GULP1: variants seen among roughly 807,000 people sequenced by gnomAD.
The protein encoded by GULP1 is PTB domain-containing engulfment adapter protein 1.
Under a neutral mutation model 40.9 loss-of-function variants are expected in GULP1, and 19 were observed. The ratio of observed to expected loss-of-function variants is 0.46; its 90% CI spans 0.32 to 0.68. The LOEUF (loss-of-function observed/expected upper bound fraction) is 0.68. GULP1 is among the 30% of genes least tolerant of loss of function. The pLI, the probability that GULP1 is intolerant of heterozygous loss-of-function variation, is 0.03. For missense variants in GULP1, 312 were observed against 362.2 expected (o/e 0.86, Z 1.12); for synonymous variants, 119 against 117.6 (o/e 1.01, Z -0.08).
intron 2 of GULP1, among the ~76,000 whole-genome samples, chr2:188,386,745 T>G (rs2152524345): frequency 6.6e-6 from 1 of 152,330 alleles, no homozygotes; most frequent in South Asian, 2.1e-4. Context: ...AGTTAAAGTT[T>G]TCATTAGCCA....
intron 2 of GULP1, among the ~76,000 whole-genome samples, chr2:188,473,995 G>T (rs948099980): frequency 1.3e-5 from 2 of 152,146 alleles, no homozygotes; most frequent in African/African-American, 4.8e-5. Flanking sequence ...AGTAGGTAAT[G>T]AAGGCTACTA....
At chr2:188,401,434 G>T (rs1482326060) in intron 2 of GULP1, among the ~76,000 whole-genome samples, 1 of 152,068 alleles carries the variant, frequency 6.6e-6, no homozygotes, top group Non-Finnish European at 1.5e-5. Context: ...TTAAAGTACA[G>T]TGTGTTCAAT....
intron 1 of GULP1, among the ~76,000 whole-genome samples, chr2:188,341,970 A>T (rs192691686): frequency 7.9e-4 from 120 of 152,256 alleles, no homozygotes; most frequent in African/African-American, 2.8e-3. Flanking sequence ...TTGTTTTCTT[A>T]CCTCTTTCTA....
intron 1 of GULP1, among the ~76,000 whole-genome samples, chr2:188,359,671 A>C (rs2045837570): frequency 6.6e-6 from 1 of 152,140 alleles, no homozygotes; most frequent in Non-Finnish European, 1.5e-5. Context: ...AACTGTATTA[A>C]AAATTATATT....
intron 1 of GULP1, among the ~76,000 whole-genome samples, chr2:188,354,833 A>G (rs1418357917): frequency 6.6e-6 from 1 of 152,204 alleles, no homozygotes; most frequent in Admixed American, 6.5e-5. Context: ...CAAAACATCA[A>G]ACTGATATCA....
At chr2:188,579,380 A>G (rs1340799959) in intron 9 of GULP1, among the ~76,000 whole-genome samples, 1 of 151,902 alleles carries the variant, frequency 6.6e-6, no homozygotes, top group Non-Finnish European at 1.5e-5. Flanking sequence ...TTATATATTA[A>G]TTTATTTTTA....
At chr2:188,438,671 CA>C (rs57576533) in intron 2 of GULP1, among the ~76,000 whole-genome samples, 42,579 of 150,286 alleles carry the variant, frequency 0.28, 7,405 homozygotes, top group African/African-American at 0.5. Context: ...ATATATATCA[CA>C]AAAAAAATGT....
chr2:188,333,845 G>A (rs189050337), intron 1 of GULP1, among the ~76,000 whole-genome samples: 285 of 152,238 alleles, frequency 1.9e-3, no homozygotes, highest in African/African-American at 4.8e-3. Context: ...CAGTTCGGAT[G>A]TGATCACTCA....
chr2:188,399,702 A>AC (rs1553540250), intron 2 of GULP1, among the ~76,000 whole-genome samples: 10 of 149,176 alleles, frequency 6.7e-5, no homozygotes, highest in Non-Finnish European at 1.5e-4. Context: ...AAAAAAAAAA[A>AC]AAAAAAAAAA....
chr2:188,557,180 T>A (rs1025502142), intron 7 of GULP1, among the ~76,000 whole-genome samples: 2 of 152,186 alleles, frequency 1.3e-5, no homozygotes, highest in Non-Finnish European at 2.9e-5. Context: ...TCTCATATCC[T>A]TTTCACATTG....
In GULP1 at chr2:188,365,721, T is replaced by C. The variant is rs966350093; in HGVS notation, c.-171-18042T>C. Among the ~76,000 whole-genome samples, 31 of 152,160 alleles carry C rather than the reference T, an allele frequency of 2.0e-4. 1 individual carries two copies. The highest frequency in any genetic ancestry group is 1.5e-5 in the Non-Finnish European group (1 of 68,026). ...CCAGGCCTGAGAAGTAAGCGGACTC[T>C]AGTTGGCCCTGCAGGAATCTGCTTC... On this transcript the variant is annotated intron_variant, in intron 1 of 11. Transcript: ENST00000409830.
At chr2:188,296,881 C>T (rs547036351) in intron 1 of GULP1, among the ~76,000 whole-genome samples, 4 of 151,914 alleles carry the variant, frequency 2.6e-5, no homozygotes, top group Non-Finnish European at 5.9e-5. Flanking sequence ...ACCTTAGAAA[C>T]TTCCATATTT....
At chr2:188,401,922 G>C (rs536501740) in intron 2 of GULP1, among the ~76,000 whole-genome samples, 1 of 152,172 alleles carries the variant, frequency 6.6e-6, no homozygotes, top group African/African-American at 2.4e-5. Flanking sequence ...ACTAATTTCT[G>C]TAAGACTTTA....
intron 7 of GULP1, among the ~76,000 whole-genome samples, chr2:188,543,468 C>A (rs1276998292): frequency 1.3e-5 from 2 of 152,060 alleles, no homozygotes; most frequent in Non-Finnish European, 2.9e-5. Flanking sequence ...TTTTGTTATA[C>A]CTGCACTATC....
chr2:188,523,133 A>C (rs966758628), intron 5 of GULP1, among the ~76,000 whole-genome samples: 1 of 152,148 alleles, frequency 6.6e-6, no homozygotes, highest in Non-Finnish European at 1.5e-5. Flanking sequence ...CTTTGCTTGG[A>C]TAATGTGAAC....
intron 2 of GULP1, among the ~76,000 whole-genome samples, chr2:188,471,293 A>G (rs1007211591): frequency 6.6e-6 from 1 of 151,444 alleles, no homozygotes; most frequent in Non-Finnish European, 1.5e-5. Context: ...TCTTCCCACC[A>G]CCGCCCACCC....
intron 1 of GULP1, among the ~76,000 whole-genome samples, chr2:188,346,998 A>G (rs1323068908): frequency 1.3e-5 from 2 of 151,894 alleles, no homozygotes; most frequent in East Asian, 3.9e-4. Flanking sequence ...TTTTGCTTTT[A>G]GAGAGTGCAT....
chr2:188,544,515 T>G (rs1443097018), intron 7 of GULP1, among the ~76,000 whole-genome samples: 1 of 151,630 alleles, frequency 6.6e-6, no homozygotes, highest in Non-Finnish European at 1.5e-5. Flanking sequence ...TGTGCATAAG[T>G]ACCCTAAAAC....
chr2:188,319,695 T>C (rs4640356), intron 1 of GULP1, among the ~76,000 whole-genome samples: 37,074 of 152,016 alleles, frequency 0.24, 5,029 homozygotes, highest in African/African-American at 0.37. Context: ...CAAGTTTGCC[T>C]ACAGTCCTTG....
Sources: gnomAD v4.1 joint callset for allele counts (sites outside exome capture counted in the v4.1 genomes callset) on GRCh38, gnomAD v4.1.1 for gene constraint, MANE v1.5 for transcripts, NCBI Gene and HGNC (gene_info 2026-07-23, HGNC 2026-07-21) for gene names.